SLC6A19: variants seen among roughly 807,000 people sequenced by gnomAD.
SLC6A19 encodes solute carrier family 6 member 19.
A neutral mutation model predicts 68.3 loss-of-function variants in SLC6A19; 67 were observed. The observed-to-expected ratio is 0.98, with a 90% confidence interval of 0.81 to 1.20. The LOEUF (loss-of-function observed/expected upper bound fraction) is 1.20, where lower values mean the gene tolerates loss of function less well. Among genes scored for constraint, SLC6A19 ranks in the 50% most tolerant of loss-of-function variants. The probability of loss-of-function intolerance (pLI) is 0.00; values close to 1 mark genes in which losing one functional copy is unlikely to be tolerated. For synonymous variants in SLC6A19, 392 were observed against 374.9 expected (o/e 1.05, Z -0.53); for missense variants, 813 against 851.6 (o/e 0.95, Z 0.56).
In SLC6A19 at chr5:1,221,656, A is replaced by G. The variant is rs1334678090; in HGVS notation, c.1702-45A>G. 1.9e-6 allele frequency: 3 copies of G among 1,610,478 alleles called. No homozygotes were observed. In the East Asian group the frequency reaches 6.7e-5, roughly 36 times the overall value. ...GGGCCTTTGCCTCAAAGTGAACCCC[A>G]CTGGCTCCCGGGATGCCTACTCACC... On this transcript the variant is annotated intron_variant, in intron 11 of 11. Transcript: ENST00000304460.
At position 1,222,892 on chromosome 5, in the gene SLC6A19, G is replaced by C. The variant is rs948084115; in HGVS notation, c.*988G>C. The C allele has an allele frequency of 6.6e-6, 1 of 152,390 alleles. No homozygotes were observed. Among genetic ancestry groups the C allele is most frequent in the African/African-American group, 2.4e-5 (1 of 41,460 alleles). The allele number at this position is 152,390 out of a possible 1,614,324, so 9.4% of individuals were successfully genotyped here. ...GGGAAGCGGAAGCTGCAGCTGGGGT[G>C]GGGGCAGCACCTCTATGCTTCATCT... On this transcript the variant is annotated 3_prime_UTR_variant, in exon 12 of 12. Transcript: ENST00000304460.
chr5:1,221,576 GC>G (rs1223475096), intron 11 of SLC6A19, 124 bp from the exon 12 acceptor site: 1 of 1,265,896 alleles, frequency 7.9e-7, no homozygotes, highest in South Asian at 1.3e-5. Context: ...AGCTGGAGGA[GC>G]CCCAGGCCAC....
At chr5:1,210,624 T>A in intron 3 of SLC6A19, 43 bp downstream of exon 3, 1 of 1,608,702 alleles carries the variant, frequency 6.2e-7, no homozygotes, top group South Asian at 1.1e-5. Flanking sequence ...CCTGTGAGGC[T>A]GTTGTGTCTC....
chr5:1,216,880 T>C lies in SLC6A19; in HGVS notation c.1108T>C (p.Ser370Pro). ...GGACATGCAGCAGCGGTGCAACGCC[T>C]CCGACCCCGCGGCCTACGCGCAGCT... ...FVDMQQRCNA[S>P]DPAAYAQLVF... The change falls in exon 8 of 12, where the codon TCC becomes CCC. Residue 370 changes from serine to proline, a missense_variant. Ser to Pro is a moderately conservative substitution (Grantham distance 74). Coordinates refer to ENST00000304460, the MANE Select transcript of SLC6A19 (RefSeq NM_001003841.3). 1 of 1,613,684 alleles carries C rather than the reference T, an allele frequency of 6.2e-7. No individual in the cohort carries two copies. Among genetic ancestry groups the C allele is most frequent in the Non-Finnish European group, 8.5e-7 (1 of 1,180,032 alleles).
At chr5:1,205,713 T>C (rs1182690192) in intron 1 of SLC6A19, among the ~76,000 whole-genome samples, 1 of 152,144 alleles carries the variant, frequency 6.6e-6, no homozygotes, top group Non-Finnish European at 1.5e-5. Flanking sequence ...ATCATGCACT[T>C]GCTTTTTCTT....
chr5:1,219,357 T>C, intron 9 of SLC6A19, 148 bp from the exon 10 acceptor site: 2 of 1,262,552 alleles, frequency 1.6e-6, no homozygotes, highest in South Asian at 2.6e-5. Flanking sequence ...TGTGAGCAGC[T>C]CTGTCCCCGG....
chr5:1,206,992 T>A (rs1745871470), intron 1 of SLC6A19, among the ~76,000 whole-genome samples: 1 of 152,112 alleles, frequency 6.6e-6, no homozygotes, highest in Non-Finnish European at 1.5e-5. Flanking sequence ...TCACCCCGGC[T>A]GCAGCGTGGC....
At position 1,214,430 on chromosome 5, in the gene SLC6A19, G is replaced by A. The variant is rs948341583; in HGVS notation, c.887+365G>A. On this transcript the variant is annotated intron_variant, in intron 6 of 11. Coordinates refer to ENST00000304460, the MANE Select transcript of SLC6A19 (RefSeq NM_001003841.3). The surrounding 1 kb of genome is among the most constrained non-coding windows in gnomAD (Gnocchi z 7.4). ...CCCCCAGACATGTGGCGCCCCCGAC[G>A]CCCTCCACGTCCCCGACCAAGGTCT... Among the ~76,000 whole-genome samples the A allele has an allele frequency of 9.2e-5, 14 of 152,048 alleles. No homozygotes were observed. The highest frequency in any genetic ancestry group is 2.1e-4 in the South Asian group (1 of 4,808).
Position 1,222,565 on chromosome 5 carries a change from T to C in SLC6A19, c.*661T>C, listed in dbSNP as rs527341252. On this transcript the variant is annotated 3_prime_UTR_variant, in exon 12 of 12. Coordinates refer to ENST00000304460, the MANE Select transcript of SLC6A19 (RefSeq NM_001003841.3). ...TACGTGTGTTGTGTATATGTGTGTG[T>C]CTGTACCTGTTTGTGTATATGTGTG... is the stretch of plus-strand genomic sequence containing the variant. 1 of 365,298 alleles carries C rather than the reference T, an allele frequency of 2.7e-6. No homozygotes were observed. The highest frequency in any genetic ancestry group is 4.9e-6 in the Non-Finnish European group (1 of 202,632). 22.6% of individuals were successfully genotyped at this position (365,298 alleles called of 1,614,324 possible). A position where few individuals can be genotyped will look rare whatever the true frequency, so the allele number is the denominator to read the frequency against.
chr5:1,214,001 G>T lies in SLC6A19; in HGVS notation c.823G>T (p.Val275Phe). Residue 275 changes from valine (V) to phenylalanine (F), a missense_variant, in exon 6 of 12, where the codon GTC becomes TTC. Transcript: ENST00000304460. The surrounding 1 kb of genome is among the most constrained non-coding windows in gnomAD (Gnocchi z 7.4). ...PDTWLDAGAQ[V>F]FFSFSLAFGG... ...CACCTGGCTGGACGCGGGCGCACAG[G>T]TCTTCTTCTCCTTCTCCCTGGCCTT... 1 of 1,613,710 alleles carries T rather than the reference G, an allele frequency of 6.2e-7. No individual in the cohort carries two copies. Among genetic ancestry groups the T allele is most frequent in the Non-Finnish European group, 8.5e-7 (1 of 1,180,024 alleles).
rs146176472 is a variant in SLC6A19, at chr5:1,213,572, A to T, written c.773A>T (p.Asn258Ile). Residue 258 changes from asparagine to isoleucine, a missense_variant and splice_region_variant, in exon 5 of 12, where the codon AAC (asparagine) becomes ATC (isoleucine). Physicochemically the swap from Asn to Ile is moderately radical, Grantham distance 149. Transcript: ENST00000304460. The stretch of plus-strand genomic sequence containing the variant: ...GGCATCGTCTTCCTCTTCACGCCCA[A>T]CGTAAGTCCCCGAGGCTGCCCTGGG... ...TNGIVFLFTP[N>I]VTELAQPDTW... 4 of 1,610,460 alleles carry T rather than the reference A, an allele frequency of 2.5e-6. No homozygotes were observed. Among genetic ancestry groups the T allele is most frequent in the Admixed American group, 1.7e-5 (1 of 59,862 alleles).
At position 1,222,473 on chromosome 5, in the gene SLC6A19, C is replaced by T; in HGVS notation, c.*569C>T. 2.3e-6 allele frequency: 1 copy of T among 432,588 alleles called. No individual in the cohort carries two copies. Among genetic ancestry groups the T allele is most frequent in the Non-Finnish European group, 4.1e-6 (1 of 246,148 alleles). 26.8% of individuals were successfully genotyped at this position (432,588 alleles called of 1,614,324 possible). ...GTGTGTGCGTTTGCAAGTATATATG[C>T]ACATGTGTATATGTACATGTATGCC... On this transcript the variant is annotated 3_prime_UTR_variant, in exon 12 of 12. Transcript: ENST00000304460.
Position 1,214,080 on chromosome 5 carries a change from G to C in SLC6A19, c.887+15G>C. ...AACTCTGTGCAGTGAGTGCGGGTGTGGTGGGCCTCAGTTTCCCTCTCAGTC... is the reference window on the plus strand; with the variant it reads ...AACTCTGTGCAGTGAGTGCGGGTGTCGTGGGCCTCAGTTTCCCTCTCAGTC... On this transcript the variant is annotated intron_variant, in intron 6 of 11. Coordinates refer to ENST00000304460, the MANE Select transcript of SLC6A19 (RefSeq NM_001003841.3). This position sits in a 1 kb window ranked among gnomAD's most constrained non-coding sequence, Gnocchi z 7.4. 6.2e-7 allele frequency: 1 copy of C among 1,613,688 alleles called. No individual in the cohort carries two copies. The highest frequency in any genetic ancestry group is 8.5e-7 in the Non-Finnish European group (1 of 1,179,970).
chr5:1,222,391 G>A lies in SLC6A19; in HGVS notation c.*487G>A. On this transcript the variant is annotated 3_prime_UTR_variant, in exon 12 of 12. Transcript: ENST00000304460. ...GTACAATGGGTGTCCACATGCACGTGTATATGTATATCTGTGAGTGTATAT... is the reference window on the plus strand; with the variant it reads ...GTACAATGGGTGTCCACATGCACGTATATATGTATATCTGTGAGTGTATAT... 2.2e-6 allele frequency: 1 copy of A among 461,502 alleles called. No homozygotes were observed. The highest frequency in any genetic ancestry group is 3.1e-5 in the East Asian group (1 of 32,096). The allele number at this position is 461,502 out of a possible 1,614,324, so 28.6% of individuals were successfully genotyped here. A position where few individuals can be genotyped will look rare whatever the true frequency, so the allele number is the denominator to read the frequency against.
chr5:1,209,468 C>T lies in SLC6A19; in HGVS notation c.343+582C>T. Among the ~76,000 whole-genome samples, 1 of 152,058 alleles carries T rather than the reference C, an allele frequency of 6.6e-6. No individual in the cohort carries two copies. The highest frequency in any genetic ancestry group is 1.9e-4 in the East Asian group (1 of 5,170). On this transcript the variant is annotated intron_variant, in intron 2 of 11. Transcript: ENST00000304460. The surrounding 1 kb of genome is among the most constrained non-coding windows in gnomAD (Gnocchi z 5.5). Reference sequence around the variant, plus strand: ...CACCTGCCCTTCGGAAGCCTGCAGGCCTGGAGCAGAGCCTACACCCTCATC... The same window carrying T: ...CACCTGCCCTTCGGAAGCCTGCAGGTCTGGAGCAGAGCCTACACCCTCATC...
chr5:1,219,539 C>T lies in SLC6A19; in HGVS notation c.1413C>T (p.Phe471=), dbSNP rs1205149103. The part of the protein sequence containing the change: ...LICLGTFLIG[F]IFTLNSGQYW... ...GCCTGGGGACATTCCTCATTGGCTT[C>T]ATCTTCACGCTGAACTCCGGCCAGT... Residue 471 remains phenylalanine (F), a synonymous_variant, in exon 10 of 12, where the codon TTC becomes TTT. Coordinates refer to ENST00000304460, the MANE Select transcript of SLC6A19 (RefSeq NM_001003841.3). The T allele has an allele frequency of 6.2e-7, 1 of 1,612,436 alleles. No individual in the cohort carries two copies. The highest frequency in any genetic ancestry group is 1.3e-5 in the African/African-American group (1 of 75,082).
rs1745953701 is a variant in SLC6A19 at position 1,209,340 on chromosome 5, C to G, written c.343+454C>G. 1.3e-5 allele frequency among the ~76,000 whole-genome samples: 2 copies of G among 152,168 alleles called. No homozygotes were observed. On this transcript the variant is annotated intron_variant, in intron 2 of 11. Transcript: ENST00000304460. This position sits in a 1 kb window ranked among gnomAD's most constrained non-coding sequence, Gnocchi z 5.5. Reference sequence around the variant, plus strand: ...AGGAGCAGACCCAGTGCAGCCTCACCAAGAGGACACGGCTCATTAAGCCCT... The same window carrying G: ...AGGAGCAGACCCAGTGCAGCCTCACGAAGAGGACACGGCTCATTAAGCCCT...
rs954406405 is a variant in SLC6A19 at position 1,214,774 on chromosome 5, G to A, written c.887+709G>A. On this transcript the variant is annotated intron_variant, in intron 6 of 11. Transcript: ENST00000304460. This position sits in a 1 kb window ranked among gnomAD's most constrained non-coding sequence, Gnocchi z 7.4. ...GTGGCCCTCCAGGCTGTGAAGGTGC[G>A]ATTGGAGTCAGACACAGGGGACCCT... Among the ~76,000 whole-genome samples the A allele has an allele frequency of 2.0e-5, 3 of 147,254 alleles. No homozygotes were observed. The highest frequency in any genetic ancestry group is 1.4e-4 in the Admixed American group (2 of 14,720).
chr5:1,201,915 G>A (rs1335368583), intron 1 of SLC6A19, 63 bp downstream of exon 1: 1 of 1,548,238 alleles, frequency 6.5e-7, no homozygotes, highest in Non-Finnish European at 8.7e-7. Context: ...CACACGCAGA[G>A]GCCCTGGGCA....
Sources: gnomAD v4.1 joint callset for allele counts (sites outside exome capture counted in the v4.1 genomes callset) on GRCh38, gnomAD v4.1.1 for gene constraint, Gnocchi (gnomAD v3.1) non-coding constraint, MANE v1.5 for transcripts, NCBI Gene and HGNC (gene_info 2026-07-23, HGNC 2026-07-21) for gene names.